The following CDH23 variants were observed in gnomAD, a reference collection of about 807,000 sequenced individuals.
CDH23 encodes the protein cadherin related 23.
Under a neutral mutation model 317.1 loss-of-function variants are expected in CDH23, and 189 were observed. The ratio of observed to expected loss-of-function variants is 0.60; its 90% CI spans 0.53 to 0.67. The LOEUF is 0.67. CDH23 is among the 30% of genes least tolerant of loss of function. The pLI, the probability that CDH23 is intolerant of heterozygous loss-of-function variation, is 0.00. For missense variants in CDH23, 4,401 were observed against 4,592.4 expected, an observed-to-expected ratio of 0.96 and a Z score of 1.20; for synonymous variants, 1,839 against 1,876.8, an observed-to-expected ratio of 0.98 and a Z score of 0.52.
intron 39 of CDH23, 72 bp downstream of exon 39, chr10:71,777,973 C>T: frequency 1.9e-6 from 3 of 1,540,774 alleles, no homozygotes; most frequent in Non-Finnish European, 2.7e-6. Context: ...TTCAGTGACA[C>T]TGGAGGGGGA....
chr10:71,440,900 C>T (rs548913179), intron 2 of CDH23, among the ~76,000 whole-genome samples: 74 of 152,276 alleles, frequency 4.9e-4, no homozygotes, highest in Middle Eastern at 3.4e-3. Context: ...GGGAGCCAGG[C>T]GGAGTCTCTG....
intron 29 of CDH23, among the ~76,000 whole-genome samples, chr10:71,724,316 G>A (rs186868773): frequency 5.9e-5 from 9 of 152,260 alleles, no homozygotes; most frequent in African/African-American, 2.2e-4. Flanking sequence ...TTTTTGAGAC[G>A]GAGTCTCCCT....
intron 14 of CDH23, chr10:71,647,647 G>A (rs1862958133): frequency 6.6e-6 from 1 of 152,234 alleles, no homozygotes; most frequent in Admixed American, 6.5e-5. Context: ...AGTAATTCCA[G>A]CAGATTCTCA....
At chr10:71,449,980 T>C (rs1850353977) in intron 3 of CDH23, among the ~76,000 whole-genome samples, 1 of 152,250 alleles carries the variant, frequency 6.6e-6, no homozygotes, top group African/African-American at 2.4e-5. Context: ...AGTCATTAAC[T>C]AGTGCTGCCT....
At position 71,778,597 on chromosome 10, in the gene CDH23, T is replaced by A. The variant is rs61853673; in HGVS notation, c.5187+289T>A. Among the ~76,000 whole-genome samples the A allele has an allele frequency of 1.4e-3, 206 of 152,324 alleles. 1 individual carries two copies. The highest frequency in any genetic ancestry group is 2.1e-3 in the Non-Finnish European group (143 of 68,028). On this transcript the variant is annotated intron_variant, in intron 40 of 69. Transcript: ENST00000224721. ...GTTTCAAGTCCTTGCTCTTCCACTT[T>A]CTAGCTGTGTGACCCTGAGCAAGTT...
At chr10:71,803,100 A>G (rs1484340451) in intron 54 of CDH23, 25 bp downstream of exon 54, 1 of 1,276,422 alleles carries the variant, frequency 7.8e-7, no homozygotes, top group Admixed American at 1.8e-5. Context: ...TTGGACACCC[A>G]TGATGTCTTG....
chr10:71,534,506 T>C (rs1855590176), intron 6 of CDH23, among the ~76,000 whole-genome samples: 1 of 152,094 alleles, frequency 6.6e-6, no homozygotes, highest in South Asian at 2.1e-4. Context: ...TACTTAAAAC[T>C]CTCTGACCCC....
chr10:71,531,091 G>C (rs931055183), intron 6 of CDH23, among the ~76,000 whole-genome samples: 2 of 152,222 alleles, frequency 1.3e-5, no homozygotes, highest in African/African-American at 4.8e-5. Flanking sequence ...TGCACCACAT[G>C]GTTCCAGATT....
At position 71,741,696 on chromosome 10, in the gene CDH23, C is replaced by A. The variant is rs111033490; in HGVS notation, c.4620C>A (p.Asn1540Lys). 1.2e-6 allele frequency: 2 copies of A among 1,606,014 alleles called. No individual in the cohort carries two copies. The highest frequency in any genetic ancestry group is 1.1e-5 in the South Asian group (1 of 89,504). Residue 1540 changes from asparagine to lysine, a missense_variant and splice_region_variant, in exon 38 of 70, where the codon AAC (asparagine) becomes AAA (lysine). This residue lies in a region of CDH23 where 3,068 missense variants were observed against 3,203.3 expected (regional missense o/e 0.96). Transcript: ENST00000224721. The stretch of plus-strand genomic sequence containing the variant: ...CTGCTCTCCTGCTCTCCTCCCAGAA[C>A]GTGGGTGGAGGTACTGCTGTGGTCC... ...PFGYNVSVNE[N>K]VGGGTAVVQV...
At chr10:71,581,740 A>AC (rs1858651389) in intron 9 of CDH23, among the ~76,000 whole-genome samples, 1 of 152,160 alleles carries the variant, frequency 6.6e-6, no homozygotes, top group Admixed American at 6.5e-5. Flanking sequence ...TGCCACCCAC[A>AC]AGTGGCATCA....
intron 1 of CDH23, among the ~76,000 whole-genome samples, chr10:71,438,472 G>A (rs905527200): frequency 2.6e-5 from 4 of 152,098 alleles, no homozygotes; most frequent in African/African-American, 9.7e-5. Context: ...CAGAAGGAAA[G>A]CAAAAGGGGA....
Position 71,475,077 on chromosome 10 carries a change from C to T in CDH23, c.145+28682C>T, listed in dbSNP as rs370340983. On this transcript the variant is annotated intron_variant, in intron 3 of 69. Coordinates refer to ENST00000224721, the MANE Select transcript of CDH23 (RefSeq NM_022124.6). ...ATGGTGACTATTTGCCCCTCCAGGC[C>T]CTGCAGGGTGCCTTCCAGTTCTCAG... Among the ~76,000 whole-genome samples the T allele has an allele frequency of 9.2e-5, 14 of 152,316 alleles. No homozygotes were observed. In the East Asian group the frequency reaches 2.3e-3, roughly 25 times the overall value.
At position 71,806,579 on chromosome 10, in the gene CDH23, A is replaced by AT. The variant is rs11323009; in HGVS notation, c.8178+316dup. ...ACACAAAGCATGAAAATCAGCTCTG[A>AT]TTTTTTTTTTTTTTTTTTGAGACAG... On this transcript the variant is annotated intron_variant, in intron 57 of 69. Transcript: ENST00000224721. Among the ~76,000 whole-genome samples, 3,800 of 130,568 alleles carry AT rather than the reference A, an allele frequency of 0.029. 116 individuals carry two copies. The highest frequency in any genetic ancestry group is 0.066 in the African/African-American group (2,320 of 35,316). The allele number at this position is 130,568 out of a possible 152,430, so 85.7% of individuals were successfully genotyped here.
intron 62 of CDH23, among the ~76,000 whole-genome samples, chr10:71,810,884 C>T (rs1589437779): frequency 6.6e-6 from 1 of 152,024 alleles, no homozygotes; most frequent in Admixed American, 6.6e-5. Flanking sequence ...AGCTCAAGAC[C>T]AGCCTGACCA....
At position 71,777,868 on chromosome 10, in the gene CDH23, C is replaced by T. The variant is rs1840855023; in HGVS notation, c.5034C>T (p.Asn1678=). The change falls in exon 39 of 70, where the codon AAC becomes AAT. Residue 1678 remains asparagine (N), a synonymous_variant. Coordinates refer to ENST00000224721, the MANE Select transcript of CDH23 (RefSeq NM_022124.6). ...TCACCTATGCCATCGTCGCAGGCAA[C>T]ATCGTCAACACCTTCCGCATCGACA... ...GTVTYAIVAG[N]IVNTFRIDRH... The T allele has an allele frequency of 6.2e-7, 1 of 1,613,854 alleles. No individual in the cohort carries two copies. The highest frequency in any genetic ancestry group is 8.5e-7 in the Non-Finnish European group (1 of 1,179,906).
Position 71,815,002 on chromosome 10 carries a change from G to C in CDH23, c.9789G>C (p.Gln3263His). The C allele has an allele frequency of 6.2e-7, 1 of 1,612,602 alleles. No individual in the cohort carries two copies. Among genetic ancestry groups the C allele is most frequent in the Non-Finnish European group, 8.5e-7 (1 of 1,179,770 alleles). The change falls in exon 70 of 70, where the codon CAG becomes CAC. Residue 3263 changes from glutamine to histidine, a missense_variant. Transcript: ENST00000224721. Reference sequence around the variant, plus strand: ...AGCCAGGAGACCACAGCCCAGGGCAGGGTAGCCTGCGCTTCCGCCACAAGC... The same window carrying C: ...AGCCAGGAGACCACAGCCCAGGGCACGGTAGCCTGCGCTTCCGCCACAAGC... Reference protein sequence around the residue: ...DEEPGDHSPGQGSLRFRHKPP... With the variant: ...DEEPGDHSPGHGSLRFRHKPP...
intron 1 of CDH23, among the ~76,000 whole-genome samples, chr10:71,426,323 C>T (rs1167968630): frequency 6.6e-6 from 1 of 152,216 alleles, no homozygotes; most frequent in Non-Finnish European, 1.5e-5. Flanking sequence ...TTTCTAAGGG[C>T]CATCCTGTGA....
At chr10:71,532,242 G>T (rs1855415217) in intron 6 of CDH23, among the ~76,000 whole-genome samples, 2 of 152,178 alleles carry the variant, frequency 1.3e-5, no homozygotes, top group South Asian at 4.1e-4. Flanking sequence ...TGATGAACTT[G>T]TTCCTCTGTA....
rs1431936919 is a variant in CDH23, at chr10:71,403,425, C to T, written c.-6+6107C>T. ...TTTCTTTCTCTTCCTTCCTTCCTTC[C>T]TTCCTTCCTTCCTTCCTTCCTTCCT... is the stretch of plus-strand genomic sequence containing the variant. On this transcript the variant is annotated intron_variant, in intron 1 of 69. Coordinates refer to ENST00000224721, the MANE Select transcript of CDH23 (RefSeq NM_022124.6). 7.6e-4 allele frequency among the ~76,000 whole-genome samples: 48 copies of T among 63,220 alleles called. 2 individuals carry two copies. Among genetic ancestry groups the T allele is most frequent in the African/African-American group, 5.3e-3 (44 of 8,326 alleles). 41.5% of individuals were successfully genotyped at this position (63,220 alleles called of 152,430 possible).
Sources: gnomAD v4.1 joint callset for allele counts (sites outside exome capture counted in the v4.1 genomes callset) on GRCh38, gnomAD v4.1.1 for gene constraint, gnomAD v4.1.1 regional missense constraint, MANE v1.5 for transcripts, NCBI Gene and HGNC (gene_info 2026-07-23, HGNC 2026-07-21) for gene names.